Variants in ULK4 observed in about 807,000 individuals in gnomAD.
The protein encoded by ULK4 is inactive serine/threonine-protein kinase ULK4.
In ULK4, 133 loss-of-function variants were observed where a neutral mutation model predicts 160.6. The observed-to-expected ratio is 0.83, with a 90% CI of 0.72 to 0.96. The LOEUF is 0.96. Ranked by LOEUF, ULK4 falls within the 40% of genes least tolerant of loss-of-function variation. The probability of loss-of-function intolerance (pLI) is 0.00; values close to 1 mark genes in which losing one functional copy is unlikely to be tolerated. For missense variants in ULK4, 1,580 were observed against 1,499.5 expected (o/e 1.05, Z -0.89); for synonymous variants, 534 against 539.8 (o/e 0.99, Z 0.15).
intron 16 of ULK4, among the ~76,000 whole-genome samples, chr3:41,894,399 C>T (rs1698081657): frequency 6.6e-6 from 1 of 152,136 alleles, no homozygotes; most frequent in Non-Finnish European, 1.5e-5. Context: ...TAAGCATTTT[C>T]TAAACTTCTA....
chr3:41,913,051 AT>A (rs1698843575), intron 8 of ULK4, 152 bp from the exon 9 acceptor site: 3 of 627,526 alleles, frequency 4.8e-6, no homozygotes, highest in Non-Finnish European at 8.2e-6. Context: ...TTTGTATGCT[AT>A]TAACCTCTTT....
At chr3:41,578,249 A>G (rs970361605) in intron 31 of ULK4, among the ~76,000 whole-genome samples, 1 of 152,180 alleles carries the variant, frequency 6.6e-6, no homozygotes, top group African/African-American at 2.4e-5. Context: ...TGTTTATGAT[A>G]TGTTTAAAAA....
At chr3:41,497,342 A>C (rs1347023632) in intron 32 of ULK4, among the ~76,000 whole-genome samples, 1 of 152,072 alleles carries the variant, frequency 6.6e-6, no homozygotes, top group Non-Finnish European at 1.5e-5. Flanking sequence ...GAGAAGAAAC[A>C]TTTGATTTTT....
intron 16 of ULK4, among the ~76,000 whole-genome samples, chr3:41,889,708 T>A (rs544364991): frequency 1.3e-5 from 2 of 152,280 alleles, no homozygotes; most frequent in East Asian, 3.9e-4. Context: ...GAAAGAGAGT[T>A]TGGCAGTTCT....
intron 21 of ULK4, among the ~76,000 whole-genome samples, chr3:41,769,093 C>A (rs770548448): frequency 3.9e-5 from 6 of 152,138 alleles, no homozygotes; most frequent in African/African-American, 1.2e-4. Flanking sequence ...TAACAAACAT[C>A]AAAAATAAAA....
chr3:41,827,412 A>T (rs1198174243), intron 18 of ULK4, among the ~76,000 whole-genome samples: 6 of 152,194 alleles, frequency 3.9e-5, no homozygotes, highest in Non-Finnish European at 8.8e-5. Context: ...ATAGACCACT[A>T]GCAAGACTAT....
intron 4 of ULK4, among the ~76,000 whole-genome samples, chr3:41,935,518 C>T (rs1281675796): frequency 1.3e-5 from 2 of 151,834 alleles, no homozygotes; most frequent in African/African-American, 4.8e-5. Context: ...CGTGAGCCAC[C>T]GCGCCTAGCC....
chr3:41,677,721 T>C (rs1386254296), intron 29 of ULK4, among the ~76,000 whole-genome samples: 3 of 152,184 alleles, frequency 2.0e-5, no homozygotes, highest in South Asian at 2.1e-4. Context: ...TAGTACGCGG[T>C]TCATTCATTG....
chr3:41,481,254 CA>C (rs1343423951), intron 32 of ULK4, among the ~76,000 whole-genome samples: 1 of 152,120 alleles, frequency 6.6e-6, no homozygotes, highest in Non-Finnish European at 1.5e-5. Flanking sequence ...ACATATTTAA[CA>C]TGTTTTAATT....
At chr3:41,623,808 C>T (rs2033364907) in intron 30 of ULK4, among the ~76,000 whole-genome samples, 1 of 152,034 alleles carries the variant, frequency 6.6e-6, no homozygotes, top group African/African-American at 2.4e-5. Context: ...AAAATTATTA[C>T]AAGAGTAGAT....
In ULK4 at chr3:41,658,735, A is replaced by ACACACACACACACACACACTCT. The variant is rs1553628714; in HGVS notation, c.3071+4871_3071+4872insAGAGTGTGTGTGTGTGTGTGTG. Among the ~76,000 whole-genome samples, 210 of 131,446 alleles carry ACACACACACACACACACACTCT rather than the reference A, an allele frequency of 1.6e-3. 1 individual carries two copies. Among genetic ancestry groups the ACACACACACACACACACACTCT allele is most frequent in the African/African-American group, 4.7e-3 (160 of 34,022 alleles). The allele number at this position is 131,446 out of a possible 152,430, so 86.2% of individuals were successfully genotyped here. ...TGTGTATGTGAAAAACAGTACACAC[A>ACACACACACACACACACACTCT]CACACACACACACACACACACACAT... On this transcript the variant is annotated intron_variant, in intron 30 of 36. Coordinates refer to ENST00000301831, the MANE Select transcript of ULK4 (RefSeq NM_017886.4).
At chr3:41,857,804 G>A (rs2042396306) in intron 17 of ULK4, among the ~76,000 whole-genome samples, 1 of 152,080 alleles carries the variant, frequency 6.6e-6, no homozygotes, top group African/African-American at 2.4e-5. Flanking sequence ...AGTATTAGTT[G>A]TAATGTGTCC....
At chr3:41,922,536 G>A (rs1300069411) in intron 5 of ULK4, among the ~76,000 whole-genome samples, 1 of 150,044 alleles carries the variant, frequency 6.7e-6, no homozygotes, top group Non-Finnish European at 1.5e-5. Context: ...ATGGGTGTGA[G>A]CAGCTACACA....
chr3:41,468,993 GC>G (rs1157944126), intron 32 of ULK4, among the ~76,000 whole-genome samples: 1 of 152,150 alleles, frequency 6.6e-6, no homozygotes, highest in African/African-American at 2.4e-5. Context: ...CCAGCTAATA[GC>G]CCATCCAACT....
At position 41,948,226 on chromosome 3, in the gene ULK4, G is replaced by A. The variant is rs539926000; in HGVS notation, c.138+6396C>T. ...GGCATTTCGGGAGGTCGAGGTGGGC[G>A]GATCACTTGAGGTCAGGAGTTTGAG... On this transcript the variant is annotated intron_variant, in intron 2 of 36. Coordinates refer to ENST00000301831, the MANE Select transcript of ULK4 (RefSeq NM_017886.4). 2.6e-5 allele frequency among the ~76,000 whole-genome samples: 4 copies of A among 152,216 alleles called. No homozygotes were observed. The East Asian group carries it at 5.8e-4, about 22-fold the overall frequency.
chr3:41,684,295 G>A (rs1464757836), intron 27 of ULK4, among the ~76,000 whole-genome samples: 1 of 152,214 alleles, frequency 6.6e-6, no homozygotes, highest in Non-Finnish European at 1.5e-5. Flanking sequence ...CACCAGTTGA[G>A]TGAAATGGTA....
At chr3:41,375,157 T>C (rs2081457233) in intron 35 of ULK4, among the ~76,000 whole-genome samples, 1 of 152,170 alleles carries the variant, frequency 6.6e-6, no homozygotes, top group Non-Finnish European at 1.5e-5. Context: ...TGGAAAAACA[T>C]TCCATGGTCA....
chr3:41,691,526 CTG>C (rs1222982300), intron 27 of ULK4, among the ~76,000 whole-genome samples: 1 of 151,960 alleles, frequency 6.6e-6, no homozygotes, highest in Non-Finnish European at 1.5e-5. Flanking sequence ...AGAACTGAAA[CTG>C]TGGCAGACCC....
chr3:41,407,015 G>C (rs920645180), intron 34 of ULK4, among the ~76,000 whole-genome samples: 1 of 152,150 alleles, frequency 6.6e-6, no homozygotes, highest in Admixed American at 6.5e-5. Context: ...CTTAAGTTGA[G>C]GAGACAGAGC....
Sources: gnomAD v4.1 joint callset for allele counts (sites outside exome capture counted in the v4.1 genomes callset) on GRCh38, gnomAD v4.1.1 for gene constraint, MANE v1.5 for transcripts, NCBI Gene and HGNC (gene_info 2026-07-23, HGNC 2026-07-21) for gene names.